Variants in SKI observed in about 807,000 individuals in gnomAD.
SKI encodes the protein ski oncogene.
Under a neutral mutation model 59.3 loss-of-function variants are expected in SKI, and 23 were observed. That is an observed-to-expected ratio of 0.39 (90% CI 0.28 to 0.55). The LOEUF (loss-of-function observed/expected upper bound fraction) is 0.55. SKI is among the 20% of genes least tolerant of loss of function. The probability of loss-of-function intolerance (pLI) is 0.67; values close to 1 mark genes in which losing one functional copy is unlikely to be tolerated. For synonymous variants in SKI, 673 were observed against 488.6 expected (o/e 1.38, Z -4.98); for missense variants, 1,017 against 1,038.9 (o/e 0.98, Z 0.29).
chr1:2,274,115 G>A (rs1440117252), intron 1 of SKI, among the ~76,000 whole-genome samples: 1 of 151,704 alleles, frequency 6.6e-6, no homozygotes, highest in African/African-American at 2.4e-5. Context: ...CTCCAGGTAA[G>A]GGGGATTGAG....
intron 1 of SKI, among the ~76,000 whole-genome samples, chr1:2,236,976 G>A (rs1281294993): frequency 3.3e-5 from 5 of 152,200 alleles, no homozygotes; most frequent in Non-Finnish European, 7.3e-5. Context: ...ACGCAGCTCA[G>A]GCTGGCGGCC....
chr1:2,278,715 T>G (rs574185671), intron 1 of SKI, among the ~76,000 whole-genome samples: 1 of 151,610 alleles, frequency 6.6e-6, no homozygotes, highest in African/African-American at 2.4e-5. Context: ...CCCCACCTGA[T>G]CTCTGGAGTG....
At position 2,307,861 on chromosome 1, in the gene SKI, C is replaced by G. The variant is rs943582314; in HGVS notation, c.*1096C>G. The G allele has an allele frequency of 2.0e-5, 3 of 152,512 alleles. No individual in the cohort carries two copies. The highest frequency in any genetic ancestry group is 4.4e-5 in the Non-Finnish European group (3 of 68,038). The allele number at this position is 152,512 out of a possible 1,614,324, so 9.4% of individuals were successfully genotyped here. ...AAACCCCCTCTGGTGCTTGGTTGAA[C>G]AAGGGAATCACAAGAAAACGAAAAT... is the stretch of plus-strand genomic sequence containing the variant. On this transcript the variant is annotated 3_prime_UTR_variant, in exon 7 of 7. Transcript: ENST00000378536.
rs758490375 is a variant in SKI at position 2,229,531 on chromosome 1, G to A, written c.765G>A (p.Pro255=). Residue 255 remains proline (P), a synonymous_variant, in exon 1 of 7, where the codon CCG becomes CCA. Coordinates refer to ENST00000378536, the MANE Select transcript of SKI (RefSeq NM_003036.4). The surrounding 1 kb of genome is among the most constrained non-coding windows in gnomAD (Gnocchi z 6.3). ...GCCTGGACTGCCGCCTCATGTACCC[G>A]CCGCACAAGTTCGTGGTGCACTCGC... ...IQCLDCRLMY[P]PHKFVVHSHK... is the part of the protein sequence containing the mutation. The A allele has an allele frequency of 6.2e-7, 1 of 1,611,266 alleles. No individual in the cohort carries two copies. Among genetic ancestry groups the A allele is most frequent in the Non-Finnish European group, 8.5e-7 (1 of 1,179,928 alleles).
intron 1 of SKI, among the ~76,000 whole-genome samples, chr1:2,251,580 G>C (rs948336682): frequency 2.0e-5 from 3 of 152,096 alleles, no homozygotes; most frequent in Non-Finnish European, 4.4e-5. Flanking sequence ...AGCTGCAGCC[G>C]CCCTCCTTTC....
At chr1:2,264,234 C>T (rs1487980030) in intron 1 of SKI, among the ~76,000 whole-genome samples, 3 of 152,118 alleles carry the variant, frequency 2.0e-5, no homozygotes, top group Non-Finnish European at 4.4e-5. Flanking sequence ...TATAGGTTGA[C>T]TTCAAAAAGT....
At chr1:2,279,551 C>T (rs1002206253) in intron 1 of SKI, among the ~76,000 whole-genome samples, 3 of 152,086 alleles carry the variant, frequency 2.0e-5, no homozygotes, top group African/African-American at 4.8e-5. Flanking sequence ...TGCCTCCCCT[C>T]CTCTGACAAC....
At chr1:2,244,067 C>T (rs1216423527) in intron 1 of SKI, among the ~76,000 whole-genome samples, 1 of 152,014 alleles carries the variant, frequency 6.6e-6, no homozygotes, top group Non-Finnish European at 1.5e-5. Flanking sequence ...CCGGGTTCAT[C>T]CCATTCTCCT....
intron 1 of SKI, among the ~76,000 whole-genome samples, chr1:2,278,075 C>T (rs544003470): frequency 1.3e-5 from 2 of 152,334 alleles, no homozygotes; most frequent in African/African-American, 2.4e-5. Context: ...GCTTCGCCCT[C>T]GGGTGAGCAA....
At position 2,270,555 on chromosome 1, in the gene SKI, G is replaced by C. The variant is rs1399336942; in HGVS notation, c.970-32423G>C. The stretch of plus-strand genomic sequence containing the variant: ...AACGGGCAGTGTGCAGTGTTGAGGG[G>C]GCGCTGGGGAAACAAGCTGCCGGCT... On this transcript the variant is annotated intron_variant, in intron 1 of 6. Transcript: ENST00000378536. The surrounding 1 kb of genome is among the most constrained non-coding windows in gnomAD (Gnocchi z 4.1). 6.6e-6 allele frequency among the ~76,000 whole-genome samples: 1 copy of C among 152,082 alleles called. No homozygotes were observed. Among genetic ancestry groups the C allele is most frequent in the African/African-American group, 2.4e-5 (1 of 41,436 alleles).
intron 1 of SKI, among the ~76,000 whole-genome samples, chr1:2,253,069 C>T (rs1206552891): frequency 6.7e-6 from 1 of 149,476 alleles, no homozygotes; most frequent in Non-Finnish European, 1.5e-5. Context: ...GTACTGCAGC[C>T]TGGGTGATGG....
chr1:2,233,196 C>T (rs1638680331), intron 1 of SKI, among the ~76,000 whole-genome samples: 1 of 149,738 alleles, frequency 6.7e-6, no homozygotes, highest in Non-Finnish European at 1.5e-5. Flanking sequence ...GGGGGTCCTG[C>T]TCCGAGGGGG....
rs1316600633 is a variant in SKI at position 2,264,361 on chromosome 1, TG to T, written c.969+34629del. ...CTCGGCTCACTGCAACCTCTGCCTCTGGGTTCAAGTGATTCTCATGCCTCAG... is the reference window on the plus strand; with the variant it reads ...CTCGGCTCACTGCAACCTCTGCCTCTGGTTCAAGTGATTCTCATGCCTCAG... On this transcript the variant is annotated intron_variant, in intron 1 of 6. Transcript: ENST00000378536. 2.0e-5 allele frequency among the ~76,000 whole-genome samples: 3 copies of T among 150,892 alleles called. No homozygotes were observed. The East Asian group carries it at 5.9e-4, about 30-fold the overall frequency.
At chr1:2,248,613 G>GA (rs1388946098) in intron 1 of SKI, among the ~76,000 whole-genome samples, 1 of 152,236 alleles carries the variant, frequency 6.6e-6, no homozygotes, top group East Asian at 1.9e-4. Flanking sequence ...CGCTGGTTCA[G>GA]AAAAGCCGTG....
chr1:2,253,203 G>T (rs1639199647), intron 1 of SKI, among the ~76,000 whole-genome samples: 1 of 152,184 alleles, frequency 6.6e-6, no homozygotes. Flanking sequence ...CTGCAGCGCA[G>T]CCTCCCCTGT....
intron 1 of SKI, among the ~76,000 whole-genome samples, chr1:2,288,282 C>T (rs1640088580): frequency 6.6e-6 from 1 of 151,986 alleles, no homozygotes; most frequent in Non-Finnish European, 1.5e-5. Flanking sequence ...CCACCATTCC[C>T]AGCTAATTTT....
rs999283380 is a variant in SKI, at chr1:2,309,095, C to T, written c.*2330C>T. ...CTCTTGCCTCGGCTCACCAGGGTCA[C>T]TTCCACTGTCAGGGGCCTGAGGGGG... is the stretch of plus-strand genomic sequence containing the variant. On this transcript the variant is annotated 3_prime_UTR_variant, in exon 7 of 7. Coordinates refer to ENST00000378536, the MANE Select transcript of SKI (RefSeq NM_003036.4). 3 of 152,368 alleles carry T rather than the reference C, an allele frequency of 2.0e-5. No homozygotes were observed. Among genetic ancestry groups the T allele is most frequent in the African/African-American group, 7.2e-5 (3 of 41,462 alleles). 9.4% of individuals were successfully genotyped at this position (152,368 alleles called of 1,614,324 possible). A position where few individuals can be genotyped will look rare whatever the true frequency, so the allele number is the denominator to read the frequency against.
At chr1:2,233,184 G>T (rs1432889869) in intron 1 of SKI, among the ~76,000 whole-genome samples, 1 of 151,238 alleles carries the variant, frequency 6.6e-6, no homozygotes, top group African/African-American at 2.4e-5. Context: ...CCTGCTCCAA[G>T]GGGGGGTCCT....
intron 1 of SKI, among the ~76,000 whole-genome samples, chr1:2,248,549 G>C (rs1395108676): frequency 6.6e-6 from 1 of 152,208 alleles, no homozygotes. Context: ...AGGAAGCCTG[G>C]CAGTGGCGGG....
Sources: gnomAD v4.1 joint callset for allele counts (sites outside exome capture counted in the v4.1 genomes callset) on GRCh38, gnomAD v4.1.1 for gene constraint, Gnocchi (gnomAD v3.1) non-coding constraint, MANE v1.5 for transcripts, NCBI Gene and HGNC (gene_info 2026-07-23, HGNC 2026-07-21) for gene names.